PCNT: variants seen among roughly 807,000 people sequenced by gnomAD.
PCNT encodes pericentrin, also known as kendrin.
In PCNT, 319 loss-of-function variants were observed where a neutral mutation model predicts 380.4. That is an observed-to-expected ratio of 0.84 (90% CI 0.77 to 0.92). The LOEUF is 0.92. Among genes scored for constraint, PCNT ranks in the 40% least tolerant of loss-of-function variants. The pLI, the probability that PCNT is intolerant of heterozygous loss-of-function variation, is 0.00. For missense variants in PCNT, 4,400 were observed against 4,255.3 expected (o/e 1.03, Z -0.95); for synonymous variants, 1,845 against 1,735.2 (o/e 1.06, Z -1.57).
intron 16 of PCNT, among the ~76,000 whole-genome samples, chr21:46,383,900 A>T (rs543687661): frequency 1.6e-5 from 2 of 122,468 alleles, no homozygotes; most frequent in Non-Finnish European, 3.4e-5. Context: ...ATTCAGTGGC[A>T]GAAGCGCATT....
At chr21:46,340,208 C>T (rs1032673638) in intron 3 of PCNT, among the ~76,000 whole-genome samples, 1 of 152,150 alleles carries the variant, frequency 6.6e-6, no homozygotes, top group Non-Finnish European at 1.5e-5. Context: ...TCTAGTGAGA[C>T]TTATTCACTC....
chr21:46,350,641 T>C (rs1466620161), intron 8 of PCNT, among the ~76,000 whole-genome samples: 1 of 152,214 alleles, frequency 6.6e-6, no homozygotes, highest in Non-Finnish European at 1.5e-5. Flanking sequence ...AGTTGGGGTC[T>C]AGGGTCTTAG....
Position 46,401,652 on chromosome 21 carries a change from C to T in PCNT, c.4893C>T (p.Gly1631=), listed in dbSNP as rs765995470. ...DAGRCPEPPS[G]SPPEGPEIQL... ...GCAGATGTCCCGAGCCTCCTTCGGG[C>T]AGCCCTCCTGAGGGTCCAGAAATAC... is the stretch of plus-strand genomic sequence containing the variant. Residue 1631 remains glycine (G), a synonymous_variant, in exon 26 of 47, where the codon GGC becomes GGT. Transcript: ENST00000359568. 6 of 1,613,902 alleles carry T rather than the reference C, an allele frequency of 3.7e-6. No homozygotes were observed. The South Asian group carries it at 5.5e-5, about 15-fold the overall frequency.
At chr21:46,346,267 C>T in intron 4 of PCNT, 59 bp downstream of exon 4, 1 of 975,078 alleles carries the variant, frequency 1.0e-6, no homozygotes, top group East Asian at 2.5e-5. Context: ...CCACAGGGCA[C>T]AGTGGGCATC....
intron 6 of PCNT, among the ~76,000 whole-genome samples, chr21:46,348,495 T>C (rs971407228): frequency 3.9e-5 from 6 of 152,202 alleles, no homozygotes; most frequent in Non-Finnish European, 7.3e-5. Context: ...GGGTGGTCCT[T>C]GCTCACTTTT....
chr21:46,324,442 G>T (rs1340844911), intron 1 of PCNT, among the ~76,000 whole-genome samples, 160 bp downstream of exon 1: 1 of 151,836 alleles, frequency 6.6e-6, no homozygotes, highest in South Asian at 2.1e-4. Context: ...CCGCCTCCTG[G>T]CCGCCGCCAT....
In PCNT at chr21:46,440,960, G is replaced by C. The variant is rs1214101352; in HGVS notation, c.9499G>C (p.Glu3167Gln). The C allele has an allele frequency of 6.2e-7, 1 of 1,613,406 alleles. No homozygotes were observed. Among genetic ancestry groups the C allele is most frequent in the Non-Finnish European group, 8.5e-7 (1 of 1,179,318 alleles). Residue 3167 changes from glutamate to glutamine, a missense_variant, in exon 43 of 47, where the codon GAA (glutamate) becomes CAA (glutamine). Transcript: ENST00000359568. The part of the protein sequence containing the change: ...LLLIGGFQDS[E>Q]QETLSMIAHL... ...GTTGATTGGTGGATTCCAGGATTCTGAACAAGAAACACTCTCCATGATTGC... is the reference window on the plus strand; with the variant it reads ...GTTGATTGGTGGATTCCAGGATTCTCAACAAGAAACACTCTCCATGATTGC...
At chr21:46,369,274 G>C (rs540681698) in intron 15 of PCNT, among the ~76,000 whole-genome samples, 64 of 152,328 alleles carry the variant, frequency 4.2e-4, no homozygotes, top group African/African-American at 1.5e-3. Context: ...GGGTCTCCCT[G>C]TGTTGCCCAG....
chr21:46,392,623 C>A (rs1478709434), intron 21 of PCNT, among the ~76,000 whole-genome samples: 1 of 152,210 alleles, frequency 6.6e-6, no homozygotes, highest in Non-Finnish European at 1.5e-5. Context: ...CTCGTGGTGC[C>A]CCAGCCTTTC....
rs536150716 is a variant in PCNT at position 46,436,751 on chromosome 21, G to T, written c.8997-228G>T. 2.6e-5 allele frequency among the ~76,000 whole-genome samples: 4 copies of T among 152,276 alleles called. No individual in the cohort carries two copies. In the East Asian group the frequency reaches 5.8e-4, roughly 22 times the overall value. On this transcript the variant is annotated intron_variant, in intron 39 of 46. Coordinates refer to ENST00000359568, the MANE Select transcript of PCNT (RefSeq NM_006031.6). ...TGGCAGGCGGTGGCTTCCCGTGCTC[G>T]GTGGCGCGCCTCCCGGCTGGAGGTT... is the stretch of plus-strand genomic sequence containing the variant.
chr21:46,359,349 CTT>C (rs1006338585), intron 13 of PCNT, among the ~76,000 whole-genome samples: 4 of 145,636 alleles, frequency 2.7e-5, no homozygotes, highest in Admixed American at 6.9e-5. Flanking sequence ...GGATTTCTCT[CTT>C]GTTAATTTTA....
In PCNT at chr21:46,382,502, T is replaced by C. The variant is rs1411364866; in HGVS notation, c.3312+662T>C. ...TGACGGAAGCGCATTCACGGTGTTG[T>C]GCATTCAGTGGCAGAAGCTCATTCA... On this transcript the variant is annotated intron_variant, in intron 16 of 46. Coordinates refer to ENST00000359568, the MANE Select transcript of PCNT (RefSeq NM_006031.6). Among the ~76,000 whole-genome samples, 6 of 144,682 alleles carry C rather than the reference T, an allele frequency of 4.1e-5. 1 individual carries two copies. The highest frequency in any genetic ancestry group is 4.5e-5 in the Non-Finnish European group (3 of 66,022). The allele number at this position is 144,682 out of a possible 152,430, so 94.9% of individuals were successfully genotyped here.
At position 46,443,847 on chromosome 21, in the gene PCNT, C is replaced by A. The variant is rs973975826; in HGVS notation, c.9738C>A (p.Thr3246=). The change falls in exon 45 of 47, where the codon ACC becomes ACA. Residue 3246 remains threonine, a synonymous_variant. Coordinates refer to ENST00000359568, the MANE Select transcript of PCNT (RefSeq NM_006031.6). ...RARQPQSPPR[T]RESPPTRDVP... is the part of the protein sequence containing the mutation. ...GACAGCCGCAGTCTCCACCCAGAAC[C>A]AGAGAGTCCCCCCCAACCCGGGATG... 6.2e-7 allele frequency: 1 copy of A among 1,613,514 alleles called. No homozygotes were observed. The highest frequency in any genetic ancestry group is 1.3e-5 in the African/African-American group (1 of 75,036).
chr21:46,331,303 T>G (rs2083552162), intron 2 of PCNT, among the ~76,000 whole-genome samples: 1 of 152,130 alleles, frequency 6.6e-6, no homozygotes, highest in Non-Finnish European at 1.5e-5. Context: ...ATTACAGGCA[T>G]AAGCCGCTGT....
intron 27 of PCNT, among the ~76,000 whole-genome samples, chr21:46,403,554 T>G (rs9981889): frequency 0.41 from 42,933 of 104,084 alleles, 8,930 homozygotes; most frequent in Middle Eastern, 0.58. Flanking sequence ...CGTGGGAGAA[T>G]TGTGTGTGTG....
At chr21:46,396,902 CTAGA>C (rs2086228337) in intron 21 of PCNT, among the ~76,000 whole-genome samples, 1 of 152,194 alleles carries the variant, frequency 6.6e-6, no homozygotes. Context: ...CCCACCCGAC[CTAGA>C]TTCGCTTTTG....
chr21:46,336,235 C>T (rs938621352), intron 3 of PCNT, among the ~76,000 whole-genome samples: 20 of 152,188 alleles, frequency 1.3e-4, no homozygotes, highest in African/African-American at 3.6e-4. Context: ...CCTTGGCCTC[C>T]CCAAGTGCTG....
In PCNT at chr21:46,412,935, G is replaced by C. The variant is rs138543824; in HGVS notation, c.6093G>C (p.Gln2031His). ...TCACCGTCTGCCAGAGGCAGCTGCA[G>C]TCGGAGCTGCTCTTGGTGAAAAATG... ...SVLTVCQRQL[Q>H]SELLLVKNEM... The change falls in exon 29 of 47, where the codon CAG (glutamine) becomes CAC (histidine). Residue 2031 changes from glutamine (Q) to histidine (H), a missense_variant. Coordinates refer to ENST00000359568, the MANE Select transcript of PCNT (RefSeq NM_006031.6). 2 of 1,612,232 alleles carry C rather than the reference G, an allele frequency of 1.2e-6. No homozygotes were observed. The highest frequency in any genetic ancestry group is 1.7e-6 in the Non-Finnish European group (2 of 1,180,030).
chr21:46,399,389 A>T (rs2086343479), intron 24 of PCNT, among the ~76,000 whole-genome samples: 1 of 150,862 alleles, frequency 6.6e-6, no homozygotes, highest in African/African-American at 2.5e-5. Context: ...CTCTCTGTGC[A>T]GCCTGTGGGT....
Sources: allele counts gnomAD v4.1 joint callset (sites outside exome capture counted in the v4.1 genomes callset), GRCh38; gene constraint gnomAD v4.1.1; transcripts MANE v1.5; gene names NCBI Gene and HGNC (gene_info 2026-07-23, HGNC 2026-07-21).